Variants in PCCA observed in about 807,000 individuals in gnomAD.
PCCA encodes propionyl-CoA carboxylase subunit alpha.
A neutral mutation model predicts 101.3 loss-of-function variants in PCCA; 74 were observed. The ratio of observed to expected loss-of-function variants is 0.73; its 90% CI spans 0.61 to 0.89. The LOEUF (loss-of-function observed/expected upper bound fraction) is 0.89. Ranked by LOEUF, PCCA falls within the 40% of genes least tolerant of loss-of-function variation. The pLI, the probability that PCCA is intolerant of heterozygous loss-of-function variation, is 0.00. For missense variants in PCCA, 891 were observed against 907.0 expected (o/e 0.98, Z 0.23); for synonymous variants, 294 against 313.6 (o/e 0.94, Z 0.66).
chr13:100,262,719 T>A lies in PCCA; in HGVS notation c.717-10T>A. 6.8e-7 allele frequency: 1 copy of A among 1,461,330 alleles called. No individual in the cohort carries two copies. The highest frequency in any genetic ancestry group is 9.6e-7 in the Non-Finnish European group (1 of 1,042,482). The allele number at this position is 1,461,330 out of a possible 1,614,324, so 90.5% of individuals were successfully genotyped here. On this transcript the variant is annotated splice_polypyrimidine_tract_variant and intron_variant, in intron 9 of 23. Transcript: ENST00000376285. ...CCCCCCCTCCTCCTTCTTCCTTCTT[T>A]TTTTCACAGGGATGGTTTTAGATTG...
chr13:100,501,858 A>G (rs2085698239), intron 21 of PCCA, among the ~76,000 whole-genome samples: 1 of 142,230 alleles, frequency 7.0e-6, no homozygotes, highest in Non-Finnish European at 1.6e-5. Context: ...TGGGCAACAG[A>G]GGGACACTCC....
At position 100,485,736 on chromosome 13, in the gene PCCA, A is replaced by G. The variant is rs547440552; in HGVS notation, c.1900-29691A>G. Among the ~76,000 whole-genome samples the G allele has an allele frequency of 1.1e-4, 17 of 152,324 alleles. No individual in the cohort carries two copies. The South Asian group carries it at 3.3e-3, about 30-fold the overall frequency. ...CACAGTGGCTTGGGTCATAATGATAATACTGTAACTGGGAGAGCTGATGTA... is the reference window on the plus strand; with the variant it reads ...CACAGTGGCTTGGGTCATAATGATAGTACTGTAACTGGGAGAGCTGATGTA... On this transcript the variant is annotated intron_variant, in intron 21 of 23. Transcript: ENST00000376285.
intron 16 of PCCA, among the ~76,000 whole-genome samples, chr13:100,322,994 C>T (rs562154163): frequency 6.6e-6 from 1 of 152,320 alleles, no homozygotes; most frequent in South Asian, 2.1e-4. Flanking sequence ...CCCATGATAT[C>T]TAATGGCTGC....
chr13:100,481,930 A>G (rs967326924), intron 21 of PCCA, among the ~76,000 whole-genome samples: 1 of 152,246 alleles, frequency 6.6e-6, no homozygotes, highest in Non-Finnish European at 1.5e-5. Context: ...TCTATGCATT[A>G]TTACAACGTA....
At chr13:100,307,868 TA>T (rs1456607111) in intron 15 of PCCA, among the ~76,000 whole-genome samples, 2 of 152,206 alleles carry the variant, frequency 1.3e-5, no homozygotes, top group African/African-American at 4.8e-5. Flanking sequence ...ATTTTATTAT[TA>T]TTTTTTTGAG....
At chr13:100,132,132 A>G (rs1484051177) in intron 4 of PCCA, among the ~76,000 whole-genome samples, 2 of 152,174 alleles carry the variant, frequency 1.3e-5, no homozygotes, top group Non-Finnish European at 2.9e-5. Flanking sequence ...ATGTTCACCT[A>G]TATGTAGTTG....
At chr13:100,237,637 A>G (rs925972634) in intron 8 of PCCA, 2 of 152,130 alleles carry the variant, frequency 1.3e-5, no homozygotes, top group Non-Finnish European at 2.9e-5. Context: ...GTTTAATTCC[A>G]TCCTGTCAGA....
chr13:100,226,395 A>T (rs1301773421), intron 7 of PCCA, among the ~76,000 whole-genome samples: 1 of 152,168 alleles, frequency 6.6e-6, no homozygotes, highest in Non-Finnish European at 1.5e-5. Context: ...TCATCCACAG[A>T]ATAGAAAATT....
chr13:100,343,064 C>T lies in PCCA; in HGVS notation c.1643+2805C>T, dbSNP rs117112482. Among the ~76,000 whole-genome samples the T allele has an allele frequency of 9.4e-3, 1,437 of 152,124 alleles. 83 individuals carry two copies. In the East Asian group the frequency reaches 0.16, roughly 17 times the overall value. ...ACAAAAATTAGCGGGGGCGTGGTGG[C>T]GGGTGCCTGTAATCCCAGCTACTAG... is the stretch of plus-strand genomic sequence containing the variant. On this transcript the variant is annotated intron_variant, in intron 18 of 23. Coordinates refer to ENST00000376285, the MANE Select transcript of PCCA (RefSeq NM_000282.4).
chr13:100,362,982 G>A (rs190469443), intron 18 of PCCA, among the ~76,000 whole-genome samples: 2 of 152,286 alleles, frequency 1.3e-5, no homozygotes, highest in African/African-American at 4.8e-5. Context: ...AGTGTTGTAA[G>A]TTCTCACATA....
chr13:100,280,539 C>G (rs1190740031), intron 12 of PCCA, among the ~76,000 whole-genome samples: 1 of 152,080 alleles, frequency 6.6e-6, no homozygotes, highest in East Asian at 1.9e-4. Context: ...ACCTGTCTCC[C>G]CTCTCTGACC....
chr13:100,316,328 CTGTATT>C (rs1263104121), intron 16 of PCCA, among the ~76,000 whole-genome samples: 2 of 152,082 alleles, frequency 1.3e-5, no homozygotes, highest in African/African-American at 4.8e-5. Context: ...TGTTTTTATG[CTGTATT>C]TACTATTCAA....
chr13:100,392,322 A>C (rs775392161), intron 19 of PCCA, among the ~76,000 whole-genome samples: 31 of 152,346 alleles, frequency 2.0e-4, no homozygotes, highest in Middle Eastern at 3.4e-3. Context: ...CAAAAAATAC[A>C]GGCAGATATG....
chr13:100,238,497 C>T (rs879839440), intron 8 of PCCA, among the ~76,000 whole-genome samples: 11 of 152,082 alleles, frequency 7.2e-5, no homozygotes, highest in Non-Finnish European at 1.3e-4. Flanking sequence ...ATTACTCTCT[C>T]TTGCTTGTGA....
intron 21 of PCCA, among the ~76,000 whole-genome samples, chr13:100,484,507 C>A (rs1411577624): frequency 2.0e-5 from 3 of 152,206 alleles, no homozygotes; most frequent in Non-Finnish European, 4.4e-5. Context: ...CCATTCTAGA[C>A]TTCTAAACAA....
chr13:100,267,422 C>G (rs1485107071), intron 10 of PCCA, among the ~76,000 whole-genome samples: 2 of 152,032 alleles, frequency 1.3e-5, no homozygotes, highest in East Asian at 1.9e-4. Flanking sequence ...CATATATTAA[C>G]TATTTATTTT....
chr13:100,144,168 C>T (rs1299519717), intron 4 of PCCA, among the ~76,000 whole-genome samples: 2 of 152,140 alleles, frequency 1.3e-5, no homozygotes, highest in African/African-American at 4.8e-5. Context: ...TGATTACCTT[C>T]AATGTCTGGG....
chr13:100,519,969 T>G (rs2087109696), intron 22 of PCCA, among the ~76,000 whole-genome samples: 1 of 152,206 alleles, frequency 6.6e-6, no homozygotes, highest in Non-Finnish European at 1.5e-5. Flanking sequence ...ATTGCAGTAA[T>G]TAAATTTATA....
intron 22 of PCCA, among the ~76,000 whole-genome samples, chr13:100,520,655 AAAG>A (rs1488713079): frequency 7.0e-4 from 106 of 150,774 alleles, no homozygotes; most frequent in Middle Eastern, 3.4e-3. Context: ...AAAAAAAAAA[AAAG>A]AGTTGGTTTT....
Sources: allele counts gnomAD v4.1 joint callset (sites outside exome capture counted in the v4.1 genomes callset), GRCh38; gene constraint gnomAD v4.1.1; transcripts MANE v1.5; gene names NCBI Gene and HGNC (gene_info 2026-07-23, HGNC 2026-07-21).